The following ROBO2 variants were observed in gnomAD, a reference collection of about 807,000 sequenced individuals.
ROBO2 encodes roundabout guidance receptor 2, also known as roundabout homolog 2.
In ROBO2, 53 loss-of-function variants were observed where a neutral mutation model predicts 160.8. The observed-to-expected ratio is 0.33, with a 90% CI of 0.26 to 0.41. The LOEUF is 0.41. Among genes scored for constraint, ROBO2 ranks in the 10% least tolerant of loss-of-function variants. The probability of loss-of-function intolerance (pLI) is 1.00; values close to 1 mark genes in which losing one functional copy is unlikely to be tolerated. For missense variants in ROBO2, 1,577 were observed against 1,722.4 expected (o/e 0.92, Z 1.49); for synonymous variants, 664 against 611.7 (o/e 1.09, Z -1.26).
chr3:77,074,170 A>G (rs959468801), intron 1 of ROBO2, among the ~76,000 whole-genome samples: 1 of 152,202 alleles, frequency 6.6e-6, no homozygotes, highest in African/African-American at 2.4e-5. Context: ...GATTTAGCAT[A>G]CATACTCAAG....
intron 2 of ROBO2, among the ~76,000 whole-genome samples, chr3:76,859,098 A>G (rs1032369812): frequency 8.5e-5 from 13 of 152,228 alleles, no homozygotes; most frequent in African/African-American, 3.1e-4. Flanking sequence ...GAATATGGGC[A>G]TCACTTGCAT....
chr3:75,980,606 G>T (rs1018389011), intron 2 of ROBO2, among the ~76,000 whole-genome samples: 1 of 151,450 alleles, frequency 6.6e-6, no homozygotes, highest in Non-Finnish European at 1.5e-5. Flanking sequence ...ACTATACAAA[G>T]CTGGGCTGCA....
In ROBO2 at chr3:77,602,413, T is replaced by C. The variant is rs372255515; in HGVS notation, c.3058T>C (p.Trp1020Arg). ...GGCTGTCGATCTGCCTGATCCACAA[T>C]GGAAAAGCTCAATTCAGCAAAAAAC... The change falls in exon 20 of 26, where the codon TGG (tryptophan) becomes CGG (arginine). Residue 1020 changes from tryptophan (W) to arginine (R), a missense_variant. Trp to Arg is a moderately radical substitution (Grantham distance 101, BLOSUM62 -3). Coordinates refer to ENST00000461745, the Ensembl canonical transcript of ROBO2. 3.5e-5 allele frequency: 57 copies of C among 1,613,934 alleles called. No individual in the cohort carries two copies. The African/African-American group carries it at 6.4e-4, about 18-fold the overall frequency.
intron 2 of ROBO2, among the ~76,000 whole-genome samples, chr3:76,256,348 T>TCACA (rs1253134287): frequency 4.4e-5 from 3 of 68,468 alleles, no homozygotes; most frequent in Non-Finnish European, 6.5e-5. Flanking sequence ...TCTCTCTCTC[T>TCACA]CTCTCACATA....
At chr3:77,007,580 A>G (rs972158074) in intron 2 of ROBO2, among the ~76,000 whole-genome samples, 1 of 152,124 alleles carries the variant, frequency 6.6e-6, no homozygotes, top group Admixed American at 6.5e-5. Flanking sequence ...ATATTCTGCA[A>G]TGTGGGTTTC....
intron 23 of ROBO2, chr3:77,631,211 C>T (rs1456755070): frequency 1.3e-5 from 2 of 151,952 alleles, no homozygotes; most frequent in African/African-American, 4.8e-5. Flanking sequence ...ACACTTAACA[C>T]CCTTTTAACT....
intron 2 of ROBO2, among the ~76,000 whole-genome samples, chr3:76,178,136 T>A (rs535740205): frequency 6.6e-6 from 1 of 152,274 alleles, no homozygotes; most frequent in African/African-American, 2.4e-5. Flanking sequence ...AAATAATTTA[T>A]TTTAGTTAAT....
At chr3:77,276,546 T>C (rs561446118) in intron 2 of ROBO2, among the ~76,000 whole-genome samples, 1 of 152,318 alleles carries the variant, frequency 6.6e-6, no homozygotes, top group South Asian at 2.1e-4. Flanking sequence ...CTGTTCTGTA[T>C]GTTCCCTCTT....
At chr3:77,494,255 G>C (rs1381551011) in intron 5 of ROBO2, among the ~76,000 whole-genome samples, 1 of 151,852 alleles carries the variant, frequency 6.6e-6, no homozygotes, top group African/African-American at 2.4e-5. Context: ...TGTACAGGCT[G>C]TGTTTTTCTA....
intron 2 of ROBO2, among the ~76,000 whole-genome samples, chr3:77,270,809 G>A (rs1252415348): frequency 6.6e-6 from 1 of 152,088 alleles, no homozygotes; most frequent in Non-Finnish European, 1.5e-5. Flanking sequence ...TGTGCATGGT[G>A]GCTTGCGCCT....
intron 21 of ROBO2, among the ~76,000 whole-genome samples, chr3:77,609,961 T>G (rs1413434777): frequency 2.0e-5 from 3 of 150,780 alleles, no homozygotes; most frequent in African/African-American, 7.3e-5. Flanking sequence ...TTCAATTTCC[T>G]TATTTTTTTG....
At chr3:76,622,471 GA>G in intron 2 of ROBO2, among the ~76,000 whole-genome samples, 1 of 152,034 alleles carries the variant, frequency 6.6e-6, no homozygotes, top group South Asian at 2.1e-4. Context: ...TCTCAAAAAT[GA>G]AAAATTTATT....
At position 77,263,179 on chromosome 3, in the gene ROBO2, A is replaced by G. The variant is rs2058890580; in HGVS notation, c.388+164839A>G. Among the ~76,000 whole-genome samples the G allele has an allele frequency of 3.9e-5, 6 of 152,338 alleles. No homozygotes were observed. The South Asian group carries it at 1.2e-3, about 32-fold the overall frequency. On this transcript the variant is annotated intron_variant, in intron 2 of 25. Coordinates refer to ENST00000461745, the Ensembl canonical transcript of ROBO2. ...GGTGGTAGAAAAAAAGCCACATTTC[A>G]AATAGACATGACTTCAGAGAGGCAA...
chr3:76,037,759 T>G (rs767081747), intron 2 of ROBO2, among the ~76,000 whole-genome samples: 3 of 152,046 alleles, frequency 2.0e-5, no homozygotes, highest in Admixed American at 6.5e-5. Context: ...AATTTTGTCA[T>G]TTGAATAAAC....
intron 2 of ROBO2, among the ~76,000 whole-genome samples, chr3:76,062,528 G>A (rs1205886764): frequency 1.3e-5 from 2 of 152,124 alleles, no homozygotes; most frequent in Non-Finnish European, 2.9e-5. Context: ...ATGAAGTGAA[G>A]TCAATACTCA....
intron 2 of ROBO2, among the ~76,000 whole-genome samples, chr3:76,140,831 T>C (rs1033592853): frequency 2.6e-5 from 4 of 151,158 alleles, no homozygotes; most frequent in African/African-American, 9.7e-5. Flanking sequence ...AGTCAGTGAA[T>C]TAATATTTTT....
intron 2 of ROBO2, among the ~76,000 whole-genome samples, chr3:76,415,170 C>T (rs1245406755): frequency 1.3e-5 from 2 of 152,104 alleles, no homozygotes; most frequent in African/African-American, 2.4e-5. Context: ...TATCAAGGGG[C>T]CAGAAGTACA....
intron 2 of ROBO2, among the ~76,000 whole-genome samples, chr3:77,378,038 T>G (rs560496622): frequency 2.0e-5 from 3 of 152,332 alleles, no homozygotes; most frequent in Admixed American, 2.0e-4. Flanking sequence ...ATTTATCTGT[T>G]GAATTCTTTA....
At chr3:76,272,945 A>T (rs1439822751) in intron 2 of ROBO2, among the ~76,000 whole-genome samples, 368 of 32,048 alleles carry the variant, frequency 0.011, 23 homozygotes, top group East Asian at 0.11. Context: ...TAAATATATA[A>T]AATATATAAT....
Sources: gnomAD v4.1 joint callset for allele counts (sites outside exome capture counted in the v4.1 genomes callset) on GRCh38, gnomAD v4.1.1 for gene constraint, MANE v1.5 for transcripts, NCBI Gene and HGNC (gene_info 2026-07-23, HGNC 2026-07-21) for gene names.